Variants in CRYZL1 observed in about 807,000 individuals in gnomAD.
The protein encoded by CRYZL1 is ferry endosomal RAB5 effector complex subunit 4.
CRYZL1 carries 34 observed loss-of-function variants against 50.6 expected under a neutral mutation model. That is an observed-to-expected ratio of 0.67 (90% CI 0.51 to 0.89). The LOEUF (loss-of-function observed/expected upper bound fraction) is 0.89. CRYZL1 is among the 40% of genes least tolerant of loss of function. The pLI, the probability that CRYZL1 is intolerant of heterozygous loss-of-function variation, is 0.00. For synonymous variants in CRYZL1, 125 were observed against 134.3 expected, an observed-to-expected ratio of 0.93 and a Z score of 0.48; for missense variants, 354 against 402.3, an observed-to-expected ratio of 0.88 and a Z score of 1.03.
intron 7 of CRYZL1, 63 bp downstream of exon 7, chr21:33,603,341 T>C (rs968530297): frequency 2.2e-5 from 35 of 1,581,006 alleles, no homozygotes; most frequent in Middle Eastern, 1.7e-4. Context: ...GGATGGCTCA[T>C]TGCTAAATTT....
chr21:33,630,362 G>A (rs182047258), intron 2 of CRYZL1, among the ~76,000 whole-genome samples: 67 of 152,282 alleles, frequency 4.4e-4, no homozygotes, highest in Middle Eastern at 3.4e-3. Flanking sequence ...GAGGCGAGCG[G>A]ATCACCTGAG....
intron 1 of CRYZL1, among the ~76,000 whole-genome samples, chr21:33,638,210 C>CTTTTTTT (rs569863892): frequency 7.9e-6 from 1 of 126,810 alleles, no homozygotes; most frequent in Non-Finnish European, 1.7e-5. Flanking sequence ...GTCAGGTCTG[C>CTTTTTTT]TTTTTTTTTT....
At chr21:33,590,465 G>C (rs2086632732) in intron 12 of CRYZL1, among the ~76,000 whole-genome samples, 1 of 151,988 alleles carries the variant, frequency 6.6e-6, no homozygotes, top group African/African-American at 2.4e-5. Context: ...GCCCAGGCTG[G>C]AGTGCAATGG....
intron 1 of CRYZL1, among the ~76,000 whole-genome samples, chr21:33,640,849 A>T (rs1167805529): frequency 6.6e-6 from 1 of 152,192 alleles, no homozygotes; most frequent in Non-Finnish European, 1.5e-5. Context: ...TTGAAGAATT[A>T]ATTTTTTAAT....
In CRYZL1 at chr21:33,609,816, C is replaced by CCTCA. The variant is rs528204851; in HGVS notation, c.331+3718_331+3721dup. On this transcript the variant is annotated intron_variant, in intron 6 of 12. Transcript: ENST00000381554. ...CTCCCAGGTTCACGCCATTCTCCTG[C>CCTCA]CTCAGCCTCCTGAGTAGCTGGGACT... Among the ~76,000 whole-genome samples the CCTCA allele has an allele frequency of 1.7e-4, 26 of 152,010 alleles. 1 individual carries two copies. Among genetic ancestry groups the CCTCA allele is most frequent in the African/African-American group, 5.8e-4 (24 of 41,466 alleles).
At chr21:33,603,620 T>A in intron 6 of CRYZL1, 83 bp from the exon 7 acceptor site, 2 of 1,507,948 alleles carry the variant, frequency 1.3e-6, no homozygotes, top group Middle Eastern at 1.9e-4. Context: ...CCATCTCTAG[T>A]ACTACTATGG....
At chr21:33,596,084 T>G (rs1601325696) in intron 10 of CRYZL1, 1 of 565,334 alleles carries the variant, frequency 1.8e-6, no homozygotes. Context: ...GTGGTAGGGG[T>G]GTGTGTGTGT....
chr21:33,640,183 T>A lies in CRYZL1; in HGVS notation c.-7+1498A>T, dbSNP rs773409056. The A allele has an allele frequency of 9.0e-6, 14 of 1,548,662 alleles. No homozygotes were observed. In the South Asian group the frequency reaches 1.4e-4, roughly 16 times the overall value. ...ACTCTCCTGAGCTCAATGTAGTTCA[T>A]TGGGTCTACAAAAAGAGCATAGTTA... On this transcript the variant is annotated intron_variant, in intron 1 of 12. Coordinates refer to ENST00000381554, the MANE Select transcript of CRYZL1 (RefSeq NM_145858.3).
chr21:33,604,068 C>T (rs777496580), intron 6 of CRYZL1, among the ~76,000 whole-genome samples: 19 of 150,138 alleles, frequency 1.3e-4, no homozygotes, highest in East Asian at 3.9e-4. Context: ...CTGACTGACA[C>T]GGTGAAACCC....
chr21:33,638,054 G>T (rs2087231655), intron 1 of CRYZL1, among the ~76,000 whole-genome samples: 1 of 151,912 alleles, frequency 6.6e-6, no homozygotes, highest in Non-Finnish European at 1.5e-5. Context: ...TAATCTGTGA[G>T]ACTTTTTGTA....
intron 11 of CRYZL1, among the ~76,000 whole-genome samples, chr21:33,592,108 G>GT (rs200103123): frequency 2.3e-4 from 31 of 136,942 alleles, no homozygotes; most frequent in East Asian, 6.5e-4. Flanking sequence ...TATTTTTTTT[G>GT]TTTTTTTTAT....
In CRYZL1 at chr21:33,622,053, T is replaced by G. The variant is rs987927160; in HGVS notation, c.160A>C (p.Lys54Gln). The G allele has an allele frequency of 6.2e-7, 1 of 1,612,914 alleles. No homozygotes were observed. Among genetic ancestry groups the G allele is most frequent in the East Asian group, 2.2e-5 (1 of 44,750 alleles). ...ACAGGAAATAAATCCTTTTTCATCT[T>G]CATTTCTGCCAGAAGCTAAATCATG... The part of the protein sequence containing the change: ...QINTKLLAEM[K>Q]MKKDLFPVGR... Residue 54 changes from lysine (K) to glutamine (Q), a missense_variant, in exon 4 of 13, where the codon AAG becomes CAG. By Grantham distance (53) the Lys-to-Gln change is moderately conservative (BLOSUM62 1). Coordinates refer to ENST00000381554, the MANE Select transcript of CRYZL1 (RefSeq NM_145858.3).
intron 6 of CRYZL1, among the ~76,000 whole-genome samples, chr21:33,610,530 T>C (rs2086860375): frequency 6.6e-6 from 1 of 152,170 alleles, no homozygotes; most frequent in South Asian, 2.1e-4. Context: ...CTATATACTT[T>C]AATGGATTTC....
chr21:33,607,951 A>C (rs1319087855), intron 6 of CRYZL1, among the ~76,000 whole-genome samples: 3 of 152,164 alleles, frequency 2.0e-5, no homozygotes, highest in African/African-American at 7.2e-5. Context: ...ACAAGTTATA[A>C]TTGTATAAAT....
intron 6 of CRYZL1, among the ~76,000 whole-genome samples, chr21:33,609,038 T>C (rs1002713776): frequency 6.6e-6 from 1 of 152,252 alleles, no homozygotes; most frequent in African/African-American, 2.4e-5. Flanking sequence ...TGGTAACAGC[T>C]ATTCTGACAG....
At chr21:33,620,093 T>C (rs374542032) in intron 4 of CRYZL1, among the ~76,000 whole-genome samples, 3 of 152,234 alleles carry the variant, frequency 2.0e-5, no homozygotes, top group African/African-American at 7.2e-5. Context: ...CTAGTTATTG[T>C]ATTTATTTTT....
intron 1 of CRYZL1, 124 bp from the exon 2 acceptor site, chr21:33,631,681 T>A: frequency 1.9e-6 from 1 of 514,938 alleles, no homozygotes; most frequent in Non-Finnish European, 3.0e-6. Flanking sequence ...TTCAAATAAG[T>A]AAATTTAAAA....
intron 12 of CRYZL1, among the ~76,000 whole-genome samples, chr21:33,590,554 A>G (rs2086634008): frequency 6.6e-6 from 1 of 151,956 alleles, no homozygotes; most frequent in Admixed American, 6.6e-5. Context: ...AGCTGGGATT[A>G]TGGGCGTTCG....
chr21:33,621,372 G>A (rs976992844), intron 4 of CRYZL1, among the ~76,000 whole-genome samples: 18 of 148,756 alleles, frequency 1.2e-4, no homozygotes, highest in African/African-American at 1.7e-4. Context: ...ACAGAGTCTC[G>A]CACTTGTCGC....
Sources: allele counts gnomAD v4.1 joint callset (sites outside exome capture counted in the v4.1 genomes callset), GRCh38; gene constraint gnomAD v4.1.1; transcripts MANE v1.5; gene names NCBI Gene and HGNC (gene_info 2026-07-23, HGNC 2026-07-21).